The following ZNF697 variants were observed in gnomAD, a reference collection of about 807,000 sequenced individuals.
ZNF697 encodes the protein zinc finger protein 697.
Under a neutral mutation model 32.4 loss-of-function variants are expected in ZNF697, and 23 were observed. The observed-to-expected ratio is 0.71, with a 90% CI of 0.51 to 1.01. The LOEUF is 1.01. Among genes scored for constraint, ZNF697 ranks in the 50% least tolerant of loss-of-function variants. ZNF697 has a pLI of 0.00. For synonymous variants in ZNF697, 418 were observed against 337.2 expected (o/e 1.24, Z -2.62); for missense variants, 930 against 794.0 (o/e 1.17, Z -2.06).
chr1:119,628,651 C>T (rs2101083983), intron 1 of ZNF697, among the ~76,000 whole-genome samples: 1 of 152,306 alleles, frequency 6.6e-6, no homozygotes, highest in African/African-American at 2.4e-5. Context: ...ACAACAACTA[C>T]TCAAATTTGT....
At chr1:119,632,551 C>T (rs1278664648) in intron 1 of ZNF697, among the ~76,000 whole-genome samples, 1 of 152,222 alleles carries the variant, frequency 6.6e-6, no homozygotes, top group Non-Finnish European at 1.5e-5. Context: ...CCCCATGGGT[C>T]AGCACCAGTT....
chr1:119,646,305 C>T (rs1177193352), intron 1 of ZNF697, among the ~76,000 whole-genome samples: 1 of 145,016 alleles, frequency 6.9e-6, no homozygotes, highest in Non-Finnish European at 1.5e-5. Flanking sequence ...TTTCCCTTAA[C>T]AACAACCCCC....
At chr1:119,647,446 TTG>T (rs1649244608) in intron 1 of ZNF697, among the ~76,000 whole-genome samples, 1 of 152,174 alleles carries the variant, frequency 6.6e-6, no homozygotes, top group South Asian at 2.1e-4. Flanking sequence ...CCCGTCCTTA[TTG>T]TGTCATTTGC....
intron 1 of ZNF697, among the ~76,000 whole-genome samples, chr1:119,646,671 C>G (rs886883755): frequency 6.6e-6 from 1 of 152,144 alleles, no homozygotes; most frequent in Non-Finnish European, 1.5e-5. Context: ...GTTCCTCAAA[C>G]GTATTCCACA....
At chr1:119,644,584 G>A (rs1439524123) in intron 1 of ZNF697, among the ~76,000 whole-genome samples, 1 of 152,208 alleles carries the variant, frequency 6.6e-6, no homozygotes, top group Non-Finnish European at 1.5e-5. Context: ...CTCCAGGCAA[G>A]CTTCTTAGCT....
chr1:119,634,191 T>G (rs942065657), intron 1 of ZNF697, among the ~76,000 whole-genome samples: 1 of 152,182 alleles, frequency 6.6e-6, no homozygotes, highest in Non-Finnish European at 1.5e-5. Context: ...TGAATAGCCC[T>G]CAAGAGAATG....
Position 119,623,315 on chromosome 1 carries a change from CTGGCCGCCGCGTGCGCGCGCCGG to C in ZNF697, c.1005_1027del (p.His335GlnfsTer92), listed in dbSNP as rs1167154174. On this transcript the variant is annotated frameshift_variant, in exon 3 of 3. Coordinates refer to ENST00000421812, the MANE Select transcript of ZNF697 (RefSeq NM_001080470.2). LOFTEE classifies it high-confidence loss of function. Reference sequence around the variant, plus strand: ...CCGCAGCGCCGCCGCCCCCGCGCCGCTGGCCGCCGCGTGCGCGCGCCGGTGGCTCAACAGATGCGAGCTGAGGC... The same window carrying C: ...CCGCAGCGCCGCCGCCCCCGCGCCGCTGGCTCAACAGATGCGAGCTGAGGC... The C allele has an allele frequency of 1.3e-5, 17 of 1,308,324 alleles. 2 individuals are homozygous for C. Among genetic ancestry groups the C allele is most frequent in the South Asian group, 2.0e-5 (1 of 49,992 alleles). The allele number at this position is 1,308,324 out of a possible 1,614,324, so 81.0% of individuals were successfully genotyped here.
rs780729413 is a variant in ZNF697, at chr1:119,622,752, G to A, written c.1591C>T (p.Arg531Cys). 2 of 1,576,022 alleles carry A rather than the reference G, an allele frequency of 1.3e-6. No individual in the cohort carries two copies. Among genetic ancestry groups the A allele is most frequent in the Admixed American group, 1.9e-5 (1 of 53,912 alleles). ...HKCAGCGKGFRYKTHLAQHQK... is the reference protein window; with the variant it reads ...HKCAGCGKGFCYKTHLAQHQK... ...TGCTGCGCGAGGTGCGTTTTATAGC[G>A]GAAGCCTTTGCCGCAGCCCGCACAC... The change falls in exon 3 of 3, where the codon CGC becomes TGC. Residue 531 changes from arginine to cysteine, a missense_variant. Arg to Cys is a radical substitution (Grantham distance 180). Coordinates refer to ENST00000421812, the MANE Select transcript of ZNF697 (RefSeq NM_001080470.2).
At chr1:119,627,027 G>A (rs1648611695) in intron 1 of ZNF697, among the ~76,000 whole-genome samples, 1 of 152,180 alleles carries the variant, frequency 6.6e-6, no homozygotes, top group African/African-American at 2.4e-5. Flanking sequence ...TAGACGTCAG[G>A]ATAACATTTC....
In ZNF697 at chr1:119,622,900, C is replaced by T. The variant is rs1204059096; in HGVS notation, c.1443G>A (p.Thr481=). The stretch of plus-strand genomic sequence containing the variant: ...CGCCCGTGTGCGTGCGCTGGTGCTG[C>T]GTGAGCGTGGAGAAGTCGCTGAAGC... ...EKRFSDFSTL[T]QHQRTHTGEK... The change falls in exon 3 of 3, where the codon ACG becomes ACA. Residue 481 remains threonine (T), a synonymous_variant. Coordinates refer to ENST00000421812, the MANE Select transcript of ZNF697 (RefSeq NM_001080470.2). The T allele has an allele frequency of 6.2e-7, 1 of 1,607,042 alleles. No individual in the cohort carries two copies. Among genetic ancestry groups the T allele is most frequent in the South Asian group, 1.1e-5 (1 of 90,248 alleles).
At chr1:119,633,335 C>T (rs1648831441) in intron 1 of ZNF697, among the ~76,000 whole-genome samples, 1 of 150,844 alleles carries the variant, frequency 6.6e-6, no homozygotes, top group Non-Finnish European at 1.5e-5. Flanking sequence ...TAATCAGGGT[C>T]CTCCTAAGAG....
intron 1 of ZNF697, among the ~76,000 whole-genome samples, chr1:119,633,939 T>C (rs1203736943): frequency 6.6e-6 from 1 of 152,244 alleles, no homozygotes; most frequent in African/African-American, 2.4e-5. Flanking sequence ...GGGGTCCTAG[T>C]TGTGTAACAC....
At chr1:119,630,513 A>G (rs1300401674) in intron 1 of ZNF697, among the ~76,000 whole-genome samples, 4 of 152,200 alleles carry the variant, frequency 2.6e-5, no homozygotes, top group Non-Finnish European at 5.9e-5. Flanking sequence ...CCAATTTCAA[A>G]AAAGTAAGGC....
chr1:119,635,275 G>C (rs1254364478), intron 1 of ZNF697, among the ~76,000 whole-genome samples: 1 of 152,184 alleles, frequency 6.6e-6, no homozygotes, highest in Non-Finnish European at 1.5e-5. Context: ...GCCAGAACAA[G>C]AGTGGTTACA....
At chr1:119,639,262 C>T (rs189134722) in intron 1 of ZNF697, among the ~76,000 whole-genome samples, 18 of 152,250 alleles carry the variant, frequency 1.2e-4, no homozygotes, top group South Asian at 2.1e-4. Flanking sequence ...TCAGTTGCCA[C>T]TATCACTGCA....
intron 1 of ZNF697, among the ~76,000 whole-genome samples, chr1:119,636,089 T>C (rs1451202653): frequency 6.6e-6 from 1 of 152,178 alleles, no homozygotes; most frequent in African/African-American, 2.4e-5. Context: ...CATTCATAAC[T>C]TGAACATCAC....
intron 1 of ZNF697, among the ~76,000 whole-genome samples, 195 bp downstream of exon 1, chr1:119,647,496 G>A (rs183227438): frequency 3.0e-4 from 45 of 152,256 alleles, no homozygotes; most frequent in Non-Finnish European, 5.6e-4. Flanking sequence ...TCATTTGAGT[G>A]GGCTAGAATG....
At chr1:119,645,362 C>A (rs1649174257) in intron 1 of ZNF697, among the ~76,000 whole-genome samples, 1 of 152,128 alleles carries the variant, frequency 6.6e-6, no homozygotes, top group African/African-American at 2.4e-5. Flanking sequence ...ATCCTTTGGG[C>A]ACTTGTTAGA....
chr1:119,632,151 G>A (rs1382127540), intron 1 of ZNF697, among the ~76,000 whole-genome samples: 1 of 152,130 alleles, frequency 6.6e-6, no homozygotes, highest in Non-Finnish European at 1.5e-5. Flanking sequence ...TGGTCAAAAG[G>A]AACCCAAAGG....
Sources: allele counts gnomAD v4.1 joint callset (sites outside exome capture counted in the v4.1 genomes callset), GRCh38; gene constraint gnomAD v4.1.1; transcripts MANE v1.5; gene names NCBI Gene and HGNC (gene_info 2026-07-23, HGNC 2026-07-21).